FBF1: variants seen among roughly 807,000 people sequenced by gnomAD.
The protein encoded by FBF1 is Fas binding factor 1.
Under a neutral mutation model 147.2 loss-of-function variants are expected in FBF1, and 119 were observed. The observed-to-expected ratio is 0.81, with a 90% CI of 0.70 to 0.94. The LOEUF (loss-of-function observed/expected upper bound fraction) is 0.94, where lower values mean the gene tolerates loss of function less well. FBF1 is among the 40% of genes least tolerant of loss of function. The pLI, the probability that FBF1 is intolerant of heterozygous loss-of-function variation, is 0.00. For synonymous variants in FBF1, 601 were observed against 609.0 expected, an observed-to-expected ratio of 0.99 and a Z score of 0.19; for missense variants, 1,449 against 1,500.8, an observed-to-expected ratio of 0.97 and a Z score of 0.57.
At chr17:75,921,631 C>G in intron 15 of FBF1, 71 bp from the exon 16 acceptor site, 1 of 1,132,014 alleles carries the variant, frequency 8.8e-7, no homozygotes, top group Non-Finnish European at 1.3e-6. Flanking sequence ...GGGTGGGCAG[C>G]CTCTAGGTGG....
At position 75,913,916 on chromosome 17, in the gene FBF1, G is replaced by A; in HGVS notation, c.3126C>T (p.His1042=). The A allele has an allele frequency of 1.3e-6, 2 of 1,546,660 alleles. No individual in the cohort carries two copies. The highest frequency in any genetic ancestry group is 2.4e-5 in the South Asian group (2 of 84,602). Residue 1042 remains histidine, a synonymous_variant, in exon 27 of 30, where the codon CAC becomes CAT. Transcript: ENST00000636174. ...CCATACACTCAGGGAGCCTTGCCTGGTGCATGTGCTGCTCCTGCTTCCGCA... is the reference window on the plus strand; with the variant it reads ...CCATACACTCAGGGAGCCTTGCCTGATGCATGTGCTGCTCCTGCTTCCGCA... ...ERLRKQEQHM[H]QEHLSLAQQR...
At chr17:75,929,296 A>T (rs2065580460) in intron 7 of FBF1, among the ~76,000 whole-genome samples, 1 of 151,932 alleles carries the variant, frequency 6.6e-6, no homozygotes, top group African/African-American at 2.4e-5. Flanking sequence ...ACACCACTGC[A>T]CTCCAGCCTG....
At chr17:75,927,198 T>G (rs1258993723) in intron 9 of FBF1, among the ~76,000 whole-genome samples, 1 of 152,214 alleles carries the variant, frequency 6.6e-6, no homozygotes, top group East Asian at 1.9e-4. Flanking sequence ...TATCCACACA[T>G]TCATGACGGG....
rs1003156117 is a variant in FBF1, at chr17:75,922,721, C to G, written c.1424+465G>C. Among the ~76,000 whole-genome samples, 1 of 152,226 alleles carries G rather than the reference C, an allele frequency of 6.6e-6. No individual in the cohort carries two copies. ...CACGGATAAGGGCTTCTCCAAGAGG[C>G]GCCTCTCGGCCACTATGTCTCCTCT... On this transcript the variant is annotated intron_variant, in intron 14 of 29. Coordinates refer to ENST00000636174, the MANE Select transcript of FBF1 (RefSeq NM_001319193.2). The surrounding 1 kb of genome is among the most constrained non-coding windows in gnomAD (Gnocchi z 5.0).
rs373558594 is a variant in FBF1 at position 75,927,502 on chromosome 17, G to A, written c.428C>T (p.Pro143Leu). 9.3e-5 allele frequency: 149 copies of A among 1,603,812 alleles called. No homozygotes were observed. Among genetic ancestry groups the A allele is most frequent in the Admixed American group, 1.4e-4 (8 of 58,636 alleles). Residue 143 changes from proline (P) to leucine (L), a missense_variant, in exon 9 of 30, where the codon CCG becomes CTG. Pro to Leu is a moderately conservative substitution (Grantham distance 98). Transcript: ENST00000636174. The stretch of plus-strand genomic sequence containing the variant: ...CTGATGCCCAGAGCTGCTGGGAGAC[G>A]GAAGTGACTTCTTGGTGGGAATGGC... ...GGAIPTKKSL[P>L]SPSSSGHQNR...
chr17:75,923,266 T>G lies in FBF1; in HGVS notation c.1344A>C (p.Gln448His). 1 of 1,590,030 alleles carries G rather than the reference T, an allele frequency of 6.3e-7. No homozygotes were observed. Among genetic ancestry groups the G allele is most frequent in the Non-Finnish European group, 8.6e-7 (1 of 1,168,646 alleles). Reference protein sequence around the residue: ...LSHALSRKKSQGLAREQHAGT... With the variant: ...LSHALSRKKSHGLAREQHAGT... ...CAGCATGCTGCTCTCTGGCCAGGCC[T>G]TGGGACTTCTTCCGAGACAGGGCAT... is the stretch of plus-strand genomic sequence containing the variant. The change falls in exon 14 of 30, where the codon CAA becomes CAC. Residue 448 changes from glutamine to histidine, a missense_variant. Gln to His is a conservative substitution (Grantham distance 24, BLOSUM62 0). Coordinates refer to ENST00000636174, the MANE Select transcript of FBF1 (RefSeq NM_001319193.2). The surrounding 1 kb of genome is among the most constrained non-coding windows in gnomAD (Gnocchi z 4.1).
rs1395769043 is a variant in FBF1, at chr17:75,921,297, C to T, written c.1621G>A (p.Ala541Thr). 3 of 1,590,580 alleles carry T rather than the reference C, an allele frequency of 1.9e-6. No homozygotes were observed. Among genetic ancestry groups the T allele is most frequent in the African/African-American group, 1.3e-5 (1 of 74,518 alleles). Residue 541 changes from alanine to threonine, a missense_variant, in exon 17 of 30, where the codon GCC becomes ACC. Physicochemically the swap from Ala to Thr is moderately conservative, Grantham distance 58 (BLOSUM62 0). Coordinates refer to ENST00000636174, the MANE Select transcript of FBF1 (RefSeq NM_001319193.2). ...TTCTGGGTGCTCGGGAAACACGTGG[C>T]AGGCTCTGAAACATCAACAACAGAG... ...APGDLSATEP[A>T]TCFPSTQKPT...
rs1345001165 is a variant in FBF1 at position 75,918,277 on chromosome 17, GAGGCGGGAGGGGA to G, written c.2139-21_2139-9del. The G allele has an allele frequency of 6.2e-7, 1 of 1,610,174 alleles. No homozygotes were observed. Among genetic ancestry groups the G allele is most frequent in the African/African-American group, 1.3e-5 (1 of 74,898 alleles). ...ATGTCTAGGATGGACGCCCTGAGGGGAGGCGGGAGGGGAAGGCGGTCACTCTGAGCTGGATCAC... is the reference window on the plus strand; with the variant it reads ...ATGTCTAGGATGGACGCCCTGAGGGGAGGCGGTCACTCTGAGCTGGATCAC... On this transcript the variant is annotated splice_polypyrimidine_tract_variant and intron_variant, in intron 20 of 29. Transcript: ENST00000636174. The surrounding 1 kb of genome is among the most constrained non-coding windows in gnomAD (Gnocchi z 5.8).
At chr17:75,933,183 G>T in intron 4 of FBF1, 95 bp from the exon 5 acceptor site, 2 of 929,544 alleles carry the variant, frequency 2.2e-6, no homozygotes, top group Non-Finnish European at 1.6e-6. Context: ...AGCTGTCTCT[G>T]TATTAGGAGG....
intron 2 of FBF1, chr17:75,937,898 G>A (rs2065634600): frequency 4.8e-6 from 3 of 628,254 alleles, no homozygotes; most frequent in Admixed American, 2.8e-5. Flanking sequence ...CTTCTATTCC[G>A]TGCCCCTGAC....
chr17:75,921,188 G>A (rs2065523774), intron 17 of FBF1, 56 bp downstream of exon 17: 1 of 1,523,664 alleles, frequency 6.6e-7, no homozygotes, highest in African/African-American at 1.4e-5. Flanking sequence ...ATTGCCCCTG[G>A]GCATGGAGAA....
At position 75,926,084 on chromosome 17, in the gene FBF1, C is replaced by A; in HGVS notation, c.814G>T (p.Gly272Cys). Reference sequence around the variant, plus strand: ...TTGAACTCCCTGTGCTCCCCGGTGCCCGGGCGGGCCAGGAGTTTGGTGGCC... The same window carrying A: ...TTGAACTCCCTGTGCTCCCCGGTGCACGGGCGGGCCAGGAGTTTGGTGGCC... ...GMATKLLARP[G>C]TGEHREFKLD... Residue 272 changes from glycine to cysteine, a missense_variant, in exon 12 of 30, where the codon GGC becomes TGC. Coordinates refer to ENST00000636174, the MANE Select transcript of FBF1 (RefSeq NM_001319193.2). The A allele has an allele frequency of 3.1e-6, 5 of 1,612,572 alleles. No homozygotes were observed. Among genetic ancestry groups the A allele is most frequent in the Non-Finnish European group, 4.2e-6 (5 of 1,179,812 alleles).
At chr17:75,939,712 C>G (rs2065648944) in intron 1 of FBF1, 1 of 151,818 alleles carries the variant, frequency 6.6e-6, no homozygotes, top group African/African-American at 2.4e-5. Context: ...TTTTCACTGA[C>G]AGTGGAAATA....
Position 75,914,873 on chromosome 17 carries a change from G to A in FBF1, c.2688C>T (p.Arg896=), listed in dbSNP as rs999150652. The stretch of plus-strand genomic sequence containing the variant: ...AGAACTCCGCCCACTCGGCAGCCAG[G>A]CGCCGCCGCTCCTCCCCGCACTTGA... The part of the protein sequence containing the change: ...VMLKCGEERR[R]LAAEWAEFSA... The change falls in exon 25 of 30, where the codon CGC becomes CGT. Residue 896 remains arginine, a synonymous_variant. Coordinates refer to ENST00000636174, the MANE Select transcript of FBF1 (RefSeq NM_001319193.2). 1.2e-6 allele frequency: 2 copies of A among 1,611,810 alleles called. No homozygotes were observed. Among genetic ancestry groups the A allele is most frequent in the Non-Finnish European group, 1.7e-6 (2 of 1,179,638 alleles).
At chr17:75,913,879 G>A in intron 27 of FBF1, 34 bp downstream of exon 27, 2 of 1,553,058 alleles carry the variant, frequency 1.3e-6, no homozygotes, top group Non-Finnish European at 1.7e-6. Context: ...GGGGGTGCCG[G>A]GGGCAGGGGC....
Position 75,915,084 on chromosome 17 carries a change from A to G in FBF1, c.2561T>C (p.Leu854Pro). The change falls in exon 24 of 30, where the codon CTA becomes CCA. Residue 854 changes from leucine to proline, a missense_variant. Leu to Pro is a moderately conservative substitution (Grantham distance 98). Transcript: ENST00000636174. Reference protein sequence around the residue: ...QSKAESMQRALEEQRKVTAQQ... With the variant: ...QSKAESMQRAPEEQRKVTAQQ... ...GGCCGTGACCTTCCTTTGCTCCTCTAGGGCGCGCTGCATGGACTCCGCCTT... is the reference window on the plus strand; with the variant it reads ...GGCCGTGACCTTCCTTTGCTCCTCTGGGGCGCGCTGCATGGACTCCGCCTT... The G allele has an allele frequency of 6.2e-7, 1 of 1,612,956 alleles. No individual in the cohort carries two copies. The highest frequency in any genetic ancestry group is 8.5e-7 in the Non-Finnish European group (1 of 1,179,794).
At position 75,909,759 on chromosome 17, in the gene FBF1, T is replaced by C; in HGVS notation, c.*964A>G. ...CTGACCAATCTTATAGGCTGATCTT[T>C]TAATAAGAACATCTGCCTGTTCTTT... On this transcript the variant is annotated 3_prime_UTR_variant, in exon 30 of 30. Transcript: ENST00000636174. 1 of 619,326 alleles carries C rather than the reference T, an allele frequency of 1.6e-6. No individual in the cohort carries two copies. The highest frequency in any genetic ancestry group is 2.9e-6 in the Non-Finnish European group (1 of 342,268). 38.4% of individuals were successfully genotyped at this position (619,326 alleles called of 1,614,324 possible). A position where few individuals can be genotyped will look rare whatever the true frequency, so the allele number is the denominator to read the frequency against.
At chr17:75,937,678 C>T in intron 2 of FBF1, 85 bp from the exon 3 acceptor site, 2 of 1,459,422 alleles carry the variant, frequency 1.4e-6, no homozygotes, top group East Asian at 2.3e-5. Context: ...ATTGCGTTGC[C>T]TTTTGCCAAG....
In FBF1 at chr17:75,925,307, C is replaced by T; in HGVS notation, c.968+40G>A. On this transcript the variant is annotated intron_variant, in intron 13 of 29. Transcript: ENST00000636174. This position sits in a 1 kb window ranked among gnomAD's most constrained non-coding sequence, Gnocchi z 5.0. Reference sequence around the variant, plus strand: ...AGGGGCCTGTCTTCCCAGTGGCCGACCTGTCTCAAGAGGCCAAGCCTCCTG... The same window carrying T: ...AGGGGCCTGTCTTCCCAGTGGCCGATCTGTCTCAAGAGGCCAAGCCTCCTG... 6.5e-7 allele frequency: 1 copy of T among 1,547,616 alleles called. No individual in the cohort carries two copies. The highest frequency in any genetic ancestry group is 2.3e-5 in the East Asian group (1 of 44,294).
Sources: allele counts gnomAD v4.1 joint callset (sites outside exome capture counted in the v4.1 genomes callset), GRCh38; gene constraint gnomAD v4.1.1; non-coding constraint Gnocchi (gnomAD v3.1); transcripts MANE v1.5; gene names NCBI Gene and HGNC (gene_info 2026-07-23, HGNC 2026-07-21).